The following ATG5 variants were observed in gnomAD, a reference collection of about 807,000 sequenced individuals.
ATG5 encodes autophagy related 5.
Under a neutral mutation model 36.5 loss-of-function variants are expected in ATG5, and 14 were observed. That is an observed-to-expected ratio of 0.38 (90% confidence interval 0.25 to 0.60). ATG5 has a LOEUF of 0.60. Ranked by LOEUF, ATG5 falls within the 20% of genes least tolerant of loss-of-function variation. The pLI is 0.60. For missense variants in ATG5, 195 were observed against 326.7 expected (o/e 0.60, Z 3.11); for synonymous variants, 95 against 101.5 (o/e 0.94, Z 0.38).
intron 1 of ATG5, among the ~76,000 whole-genome samples, chr6:106,318,188 A>T (rs1770930280): frequency 6.6e-6 from 1 of 152,174 alleles, no homozygotes; most frequent in South Asian, 2.1e-4. Flanking sequence ...CCTCTCAAGG[A>T]GGAATAGTAA....
Position 106,289,032 on chromosome 6 carries a change from T to C in ATG5, c.315+3996A>G, listed in dbSNP as rs148658967. Among the ~76,000 whole-genome samples, 95 of 152,130 alleles carry C rather than the reference T, an allele frequency of 6.2e-4. No homozygotes were observed. In the East Asian group the frequency reaches 0.015, roughly 24 times the overall value. On this transcript the variant is annotated intron_variant, in intron 4 of 7. Transcript: ENST00000369076. ...AATCTATTACAACCTTTGAAAACAATTGTAAAAGAAATTCTAAGAAGTCTG... is the reference window on the plus strand; with the variant it reads ...AATCTATTACAACCTTTGAAAACAACTGTAAAAGAAATTCTAAGAAGTCTG...
chr6:106,281,850 T>C (rs1176722024), intron 4 of ATG5, among the ~76,000 whole-genome samples: 2 of 152,246 alleles, frequency 1.3e-5, no homozygotes, highest in African/African-American at 2.4e-5. Flanking sequence ...TGTCAATCTT[T>C]TTCATTTTAG....
chr6:106,298,461 G>A (rs985019010), intron 3 of ATG5, among the ~76,000 whole-genome samples: 1 of 152,080 alleles, frequency 6.6e-6, no homozygotes, highest in Non-Finnish European at 1.5e-5. Flanking sequence ...TGAAGTGGGA[G>A]AATTGCTTGA....
chr6:106,207,805 T>C (rs1376791097), intron 6 of ATG5, among the ~76,000 whole-genome samples: 1 of 151,526 alleles, frequency 6.6e-6, no homozygotes, highest in Admixed American at 6.6e-5. Flanking sequence ...TAAAGAGTAT[T>C]AGATTCGGCT....
chr6:106,281,753 A>T (rs1485699021), intron 4 of ATG5, among the ~76,000 whole-genome samples: 8 of 152,236 alleles, frequency 5.3e-5, no homozygotes, highest in African/African-American at 1.7e-4. Context: ...AAAACTGCCA[A>T]ACTATTTTTC....
At chr6:106,277,374 T>G (rs986582614) in intron 5 of ATG5, among the ~76,000 whole-genome samples, 5 of 152,354 alleles carry the variant, frequency 3.3e-5, no homozygotes, top group African/African-American at 1.2e-4. Context: ...TGCCCTCACT[T>G]TGCATCATAG....
At chr6:106,324,841 C>T (rs942232467) in intron 1 of ATG5, among the ~76,000 whole-genome samples, 1 of 152,160 alleles carries the variant, frequency 6.6e-6, no homozygotes, top group African/African-American at 2.4e-5. Flanking sequence ...TAGTTCAGTT[C>T]AGAGCCAAGT....
chr6:106,258,190 T>C (rs1582620604), intron 5 of ATG5, among the ~76,000 whole-genome samples: 1 of 121,414 alleles, frequency 8.2e-6, no homozygotes, highest in African/African-American at 3.2e-5. Context: ...ACAACATAGG[T>C]AGATCCCGTC....
At chr6:106,292,357 A>G (rs1780342884) in intron 4 of ATG5, among the ~76,000 whole-genome samples, 1 of 152,236 alleles carries the variant, frequency 6.6e-6, no homozygotes, top group African/African-American at 2.4e-5. Flanking sequence ...AGCAGAAGCA[A>G]GGTGGCTAAG....
chr6:106,295,562 TA>T (rs1220374526), intron 3 of ATG5, among the ~76,000 whole-genome samples: 3 of 149,642 alleles, frequency 2.0e-5, no homozygotes, highest in Non-Finnish European at 4.4e-5. Flanking sequence ...TAAAATCAAG[TA>T]ATTTTTTTTT....
At chr6:106,242,950 G>T (rs1055126702) in intron 6 of ATG5, among the ~76,000 whole-genome samples, 1 of 152,130 alleles carries the variant, frequency 6.6e-6, no homozygotes, top group Non-Finnish European at 1.5e-5. Flanking sequence ...GCCATAATTT[G>T]CCACATATTT....
intron 3 of ATG5, among the ~76,000 whole-genome samples, chr6:106,297,875 A>T (rs182336151): frequency 6.6e-6 from 1 of 151,906 alleles, no homozygotes; most frequent in African/African-American, 2.4e-5. Context: ...GTTCGACACT[A>T]GCCTGAGCAA....
chr6:106,245,598 G>C (rs1192881656), intron 6 of ATG5, among the ~76,000 whole-genome samples: 1 of 152,054 alleles, frequency 6.6e-6, no homozygotes, highest in Non-Finnish European at 1.5e-5. Context: ...AGATAAGATG[G>C]GCCTCACTCA....
chr6:106,199,813 T>C (rs144700317), intron 7 of ATG5, among the ~76,000 whole-genome samples: 1,572 of 152,316 alleles, frequency 0.01, 28 homozygotes, highest in African/African-American at 0.036. Context: ...ATGGTAATGA[T>C]AGAAAGAATT....
chr6:106,285,527 C>T (rs1320184521), intron 4 of ATG5, among the ~76,000 whole-genome samples: 1 of 152,126 alleles, frequency 6.6e-6, no homozygotes, highest in East Asian at 1.9e-4. Context: ...GGCAGCTCTC[C>T]TTAATCCTAA....
At chr6:106,294,423 T>C (rs1582664995) in intron 3 of ATG5, among the ~76,000 whole-genome samples, 1 of 151,424 alleles carries the variant, frequency 6.6e-6, no homozygotes, top group South Asian at 2.1e-4. Context: ...AACATAGATA[T>C]ATGTTTATAT....
Position 106,247,804 on chromosome 6 carries a change from C to T in ATG5, c.573+346G>A, listed in dbSNP as rs552377887. 7.2e-5 allele frequency among the ~76,000 whole-genome samples: 11 copies of T among 152,316 alleles called. No individual in the cohort carries two copies. In the South Asian group the frequency reaches 2.1e-3, roughly 29 times the overall value. On this transcript the variant is annotated intron_variant, in intron 6 of 7. Coordinates refer to ENST00000369076, the MANE Select transcript of ATG5 (RefSeq NM_004849.4). ...CAGCTGAGACAAGAAGGTAGAGCCT[C>T]GCTTTGATCAACCTCTGCTGGGAAA... is the stretch of plus-strand genomic sequence containing the variant.
intron 6 of ATG5, among the ~76,000 whole-genome samples, chr6:106,244,803 G>C (rs1051598907): frequency 6.6e-6 from 1 of 152,196 alleles, no homozygotes; most frequent in Non-Finnish European, 1.5e-5. Context: ...CTTGTTGAAT[G>C]AATCAATGAG....
rs35640124 is a variant in ATG5 at position 106,199,502 on chromosome 6, T to G, written c.691+2470A>C. Reference sequence around the variant, plus strand: ...ATGGTTCAATTTATGTGAAATATAATAGGCAAATTATAGAGACAGAAAACA... The same window carrying G: ...ATGGTTCAATTTATGTGAAATATAAGAGGCAAATTATAGAGACAGAAAACA... On this transcript the variant is annotated intron_variant, in intron 7 of 7. Transcript: ENST00000369076. Among the ~76,000 whole-genome samples the G allele has an allele frequency of 7.5e-3, 1,148 of 152,308 alleles. 11 individuals are homozygous for G. Among genetic ancestry groups the G allele is most frequent in the Non-Finnish European group, 9.3e-3 (633 of 68,028 alleles).
Sources: gnomAD v4.1 joint callset for allele counts (sites outside exome capture counted in the v4.1 genomes callset) on GRCh38, gnomAD v4.1.1 for gene constraint, MANE v1.5 for transcripts, NCBI Gene and HGNC (gene_info 2026-07-23, HGNC 2026-07-21) for gene names.